The following C2CD2 variants were observed in gnomAD, a reference collection of about 807,000 sequenced individuals.
The protein encoded by C2CD2 is C2 domain-containing protein 2.
In C2CD2, 43 loss-of-function variants were observed where a neutral mutation model predicts 74.3. That is an observed-to-expected ratio of 0.58 (90% CI 0.45 to 0.75). The LOEUF is 0.75. Ranked by LOEUF, C2CD2 falls within the 30% of genes least tolerant of loss-of-function variation. C2CD2 has a pLI of 0.00. For synonymous variants in C2CD2, 422 were observed against 390.7 expected (o/e 1.08, Z -0.94); for missense variants, 801 against 916.3 (o/e 0.87, Z 1.63).
intron 2 of C2CD2, among the ~76,000 whole-genome samples, chr21:41,925,077 C>G (rs776171814): frequency 1.3e-5 from 2 of 152,154 alleles, no homozygotes; most frequent in African/African-American, 4.8e-5. Flanking sequence ...TTCATAGTAA[C>G]CCCCTGGCGT....
chr21:41,930,607 C>A (rs1220649431), intron 2 of C2CD2, among the ~76,000 whole-genome samples: 3 of 149,300 alleles, frequency 2.0e-5, no homozygotes, highest in East Asian at 3.9e-4. Flanking sequence ...GAGGCTGAGG[C>A]AGGAGAGTCA....
rs2064923820 is a variant in C2CD2 at position 41,903,525 on chromosome 21, G to A, written c.1433-1776C>T. 6.6e-6 allele frequency among the ~76,000 whole-genome samples: 1 copy of A among 152,188 alleles called. No homozygotes were observed. The highest frequency in any genetic ancestry group is 1.5e-5 in the Non-Finnish European group (1 of 68,030). On this transcript the variant is annotated intron_variant, in intron 11 of 13. Coordinates refer to ENST00000380486, the MANE Select transcript of C2CD2 (RefSeq NM_015500.2). This position sits in a 1 kb window ranked among gnomAD's most constrained non-coding sequence, Gnocchi z 4.5. ...CTTGCCATAGAAAATCTACACATTT[G>A]GCGTCAGGAGTGTTGTGAGTAGAGG...
intron 13 of C2CD2, among the ~76,000 whole-genome samples, chr21:41,898,467 T>C (rs2064850118): frequency 6.6e-6 from 1 of 152,234 alleles, no homozygotes; most frequent in South Asian, 2.1e-4. Flanking sequence ...TTAAGGAATT[T>C]ATAGTTTTAA....
intron 7 of C2CD2, among the ~76,000 whole-genome samples, chr21:41,911,753 C>T (rs1207245975): frequency 6.6e-6 from 1 of 151,664 alleles, no homozygotes; most frequent in African/African-American, 2.4e-5. Flanking sequence ...TACAGTGGCA[C>T]AATCACAGCT....
In C2CD2 at chr21:41,896,312, A is replaced by G. The variant is rs144812113; in HGVS notation, c.1870+2741T>C. Among the ~76,000 whole-genome samples, 1,004 of 152,354 alleles carry G rather than the reference A, an allele frequency of 6.6e-3. 11 individuals are homozygous for G. Among genetic ancestry groups the G allele is most frequent in the African/African-American group, 0.023 (953 of 41,576 alleles). On this transcript the variant is annotated intron_variant, in intron 13 of 13. Transcript: ENST00000380486. ...GCAGAAAGAATTATGCAAGAGCAAC[A>G]TCAGAGTGGACGTGGGTAAGGGTTC... is the stretch of plus-strand genomic sequence containing the variant.
chr21:41,950,751 T>C (rs998093636), intron 1 of C2CD2, among the ~76,000 whole-genome samples: 1 of 152,208 alleles, frequency 6.6e-6, no homozygotes, highest in African/African-American at 2.4e-5. Context: ...TAGAAGAGTT[T>C]AGGGTTTCTT....
intron 2 of C2CD2, among the ~76,000 whole-genome samples, chr21:41,934,902 G>C (rs914063025): frequency 2.7e-5 from 4 of 150,382 alleles, no homozygotes; most frequent in African/African-American, 9.8e-5. Flanking sequence ...TGTTTTTTCT[G>C]TTTTTCCCGA....
Position 41,905,834 on chromosome 21 carries a change from G to T in C2CD2, c.1322C>A (p.Ser441Tyr). The change falls in exon 11 of 14, where the codon TCT becomes TAT. Residue 441 changes from serine to tyrosine, a missense_variant. Transcript: ENST00000380486. ...CACCTTGATGGGAGTCTTCACCGGA[G>T]AATCTGCCAGAGGAAGATCCTGATT... ...VGRASPLSSD[S>Y]PVKTPIKVKV... 3 of 1,542,954 alleles carry T rather than the reference G, an allele frequency of 1.9e-6. No individual in the cohort carries two copies. The highest frequency in any genetic ancestry group is 2.7e-6 in the Non-Finnish European group (3 of 1,115,248).
intron 2 of C2CD2, among the ~76,000 whole-genome samples, chr21:41,941,313 G>A (rs2065352412): frequency 6.6e-6 from 1 of 152,106 alleles, no homozygotes; most frequent in Admixed American, 6.6e-5. Context: ...GTAAGCTGAT[G>A]CCCCTGCACT....
chr21:41,920,594 T>C (rs1223076808), intron 3 of C2CD2, among the ~76,000 whole-genome samples: 2 of 152,218 alleles, frequency 1.3e-5, no homozygotes, highest in African/African-American at 4.8e-5. Flanking sequence ...GCTCAGTCGA[T>C]GGAGACCACT....
At chr21:41,905,460 G>A (rs1315686091) in intron 11 of C2CD2, among the ~76,000 whole-genome samples, 1 of 152,066 alleles carries the variant, frequency 6.6e-6, no homozygotes, top group Admixed American at 6.6e-5. Context: ...TGGGATTACT[G>A]GCATGCGCCA....
intron 2 of C2CD2, 146 bp downstream of exon 2, chr21:41,942,001 A>AG (rs2065358220): frequency 1.0e-6 from 1 of 989,564 alleles, no homozygotes; most frequent in Non-Finnish European, 1.4e-6. Context: ...TTCTTCATCT[A>AG]CCCATCAGCT....
chr21:41,933,773 A>AAGGGGAGGGG (rs2065283301), intron 2 of C2CD2, among the ~76,000 whole-genome samples: 1 of 152,152 alleles, frequency 6.6e-6, no homozygotes, highest in South Asian at 2.1e-4. Context: ...AGCCCCGTGA[A>AAGGGGAGGGG]AGGGGAGGGG....
In C2CD2 at chr21:41,929,677, TCCAGGACTCCTGGCTCCACACCA is replaced by T. The variant is rs560672240; in HGVS notation, c.379-7615_379-7593del. ...ACTGAAAACAGACAACTAAAGCATG[TCCAGGACTCCTGGCTCCACACCA>T]TGCCAGGCGACATCACTCAAGTCTC... On this transcript the variant is annotated intron_variant, in intron 2 of 13. Transcript: ENST00000380486. The surrounding 1 kb of genome is among the most constrained non-coding windows in gnomAD (Gnocchi z 4.6). Among the ~76,000 whole-genome samples, 116 of 152,328 alleles carry T rather than the reference TCCAGGACTCCTGGCTCCACACCA, an allele frequency of 7.6e-4. No homozygotes were observed. The highest frequency in any genetic ancestry group is 2.7e-3 in the African/African-American group (111 of 41,580).
Position 41,889,253 on chromosome 21 carries a change from C to T in C2CD2, c.1962G>A (p.Val654=). The T allele has an allele frequency of 6.2e-7, 1 of 1,614,036 alleles. No individual in the cohort carries two copies. Residue 654 remains valine, a synonymous_variant, in exon 14 of 14, where the codon GTG becomes GTA. Coordinates refer to ENST00000380486, the MANE Select transcript of C2CD2 (RefSeq NM_015500.2). ...GGGAACCCTCTGGCTGCTCCAGGAACACAAGGTCATTGTGTGACTGACTCA... is the reference window on the plus strand; with the variant it reads ...GGGAACCCTCTGGCTGCTCCAGGAATACAAGGTCATTGTGTGACTGACTCA... The part of the protein sequence containing the change: ...PGMSQSHNDL[V]FLEQPEGSRR...
chr21:41,909,418 C>A (rs752222259), intron 8 of C2CD2, 41 bp downstream of exon 8: 4 of 1,464,466 alleles, frequency 2.7e-6, no homozygotes, highest in Middle Eastern at 3.5e-4. Flanking sequence ...AGCGGAGGAC[C>A]TTTCCAGAGG....
At chr21:41,918,651 C>T (rs1225427686) in intron 4 of C2CD2, among the ~76,000 whole-genome samples, 3 of 152,082 alleles carry the variant, frequency 2.0e-5, no homozygotes, top group Non-Finnish European at 4.4e-5. Context: ...TGCATCCAAT[C>T]CATCAAAGCC....
rs149394101 is a variant in C2CD2 at position 41,907,640 on chromosome 21, G to T, written c.1143+20C>A. The T allele has an allele frequency of 6.2e-7, 1 of 1,601,738 alleles. No homozygotes were observed. The highest frequency in any genetic ancestry group is 1.7e-5 in the Admixed American group (1 of 57,226). On this transcript the variant is annotated intron_variant, in intron 9 of 13. Coordinates refer to ENST00000380486, the MANE Select transcript of C2CD2 (RefSeq NM_015500.2). Reference sequence around the variant, plus strand: ...GTGCCCCAAGCCGGAACCCGGCCGCGGCGGACAGCCTCGCCCTACCTCTGC... The same window carrying T: ...GTGCCCCAAGCCGGAACCCGGCCGCTGCGGACAGCCTCGCCCTACCTCTGC...
chr21:41,891,544 A>G (rs1406210441), intron 13 of C2CD2, among the ~76,000 whole-genome samples: 1 of 152,174 alleles, frequency 6.6e-6, no homozygotes, highest in Non-Finnish European at 1.5e-5. Context: ...CCCAGCTGTC[A>G]GGGGGCTCTG....
Sources: gnomAD v4.1 joint callset for allele counts (sites outside exome capture counted in the v4.1 genomes callset) on GRCh38, gnomAD v4.1.1 for gene constraint, Gnocchi (gnomAD v3.1) non-coding constraint, MANE v1.5 for transcripts, NCBI Gene and HGNC (gene_info 2026-07-23, HGNC 2026-07-21) for gene names.